WDR88: variants seen among roughly 807,000 people sequenced by gnomAD.
The protein encoded by WDR88 is WD repeat domain 88.
Under a neutral mutation model 46.8 loss-of-function variants are expected in WDR88, and 40 were observed. That is an observed-to-expected ratio of 0.86 (90% CI 0.66 to 1.11). The LOEUF (loss-of-function observed/expected upper bound fraction) is 1.11, where lower values mean the gene tolerates loss of function less well. Among genes scored for constraint, WDR88 ranks in the 50% most tolerant of loss-of-function variants. WDR88 has a pLI of 0.00. For missense variants in WDR88, 562 were observed against 602.4 expected, an observed-to-expected ratio of 0.93 and a Z score of 0.70; for synonymous variants, 235 against 240.7, an observed-to-expected ratio of 0.98 and a Z score of 0.22.
At position 33,175,554 on chromosome 19, in the gene WDR88, G is replaced by A; in HGVS notation, c.1401G>A (p.Arg467=). The change falls in exon 11 of 11, where the codon AGG becomes AGA. Residue 467 remains arginine (R), a synonymous_variant. Transcript: ENST00000355868. ...SSERENSPPP[R]GSKDD ...AAAGGGAGAACTCACCGCCGCCAAG[G>A]GGAAGCAAGGATGACTGACAGCCAC... 2 of 1,614,168 alleles carry A rather than the reference G, an allele frequency of 1.2e-6. No homozygotes were observed. The highest frequency in any genetic ancestry group is 2.7e-5 in the African/African-American group (2 of 75,062).
At chr19:33,138,193 C>T (rs1973315228) in intron 2 of WDR88, among the ~76,000 whole-genome samples, 1 of 152,068 alleles carries the variant, frequency 6.6e-6, no homozygotes, top group Admixed American at 6.6e-5. Flanking sequence ...TGTGCCACCA[C>T]ACCCAGCTAA....
rs140728940 is a variant in WDR88 at position 33,151,259 on chromosome 19, G to A, written c.758G>A (p.Cys253Tyr). ...GTGGCTTCTGTCTCATTGGACAGGT[G>A]CATCAAGATCTGGGATGTTACATCC... Reference protein sequence around the residue: ...QRVASVSLDRCIKIWDVTSQA... With the variant: ...QRVASVSLDRYIKIWDVTSQA... The change falls in exon 6 of 11, where the codon TGC becomes TAC. Residue 253 changes from cysteine (C) to tyrosine (Y), a missense_variant. Physicochemically the swap from Cys to Tyr is radical, Grantham distance 194 (BLOSUM62 -2). Coordinates refer to ENST00000355868, the MANE Select transcript of WDR88 (RefSeq NM_173479.4). 3 of 1,613,670 alleles carry A rather than the reference G, an allele frequency of 1.9e-6. No individual in the cohort carries two copies. Among genetic ancestry groups the A allele is most frequent in the African/African-American group, 1.3e-5 (1 of 75,040 alleles).
intron 6 of WDR88, among the ~76,000 whole-genome samples, chr19:33,154,186 T>C (rs1568365872): frequency 6.6e-6 from 1 of 152,268 alleles, no homozygotes; most frequent in South Asian, 2.1e-4. Context: ...TATTTATTTA[T>C]GTATTTATTT....
chr19:33,169,084 A>G (rs1319903680), intron 9 of WDR88, among the ~76,000 whole-genome samples: 1 of 152,246 alleles, frequency 6.6e-6, no homozygotes, highest in South Asian at 2.1e-4. Context: ...TACTGTATAG[A>G]AAAATTAACT....
intron 1 of WDR88, among the ~76,000 whole-genome samples, chr19:33,136,222 A>G (rs966537067): frequency 6.6e-6 from 1 of 151,444 alleles, no homozygotes; most frequent in Non-Finnish European, 1.5e-5. Context: ...TGCCTGGCTA[A>G]TTTTGTATTT....
chr19:33,163,703 C>T (rs1178513564), intron 8 of WDR88, among the ~76,000 whole-genome samples: 4 of 147,612 alleles, frequency 2.7e-5, no homozygotes, highest in Non-Finnish European at 4.5e-5. Flanking sequence ...ATGATCATGA[C>T]TCACTGCAGC....
At chr19:33,158,227 G>A (rs200887248) in intron 7 of WDR88, among the ~76,000 whole-genome samples, 212 of 152,126 alleles carry the variant, frequency 1.4e-3, no homozygotes, top group Non-Finnish European at 2.3e-3. Context: ...ATGCCACTGG[G>A]GCCTGGCTTG....
At chr19:33,149,001 G>C (rs1973577177) in intron 5 of WDR88, 91 bp downstream of exon 5, 6 of 1,568,768 alleles carry the variant, frequency 3.8e-6, no homozygotes, top group African/African-American at 1.4e-5. Context: ...GCTTTATTTG[G>C]TGAAACTGTA....
At chr19:33,156,101 T>C (rs535163427) in intron 6 of WDR88, among the ~76,000 whole-genome samples, 44 of 152,350 alleles carry the variant, frequency 2.9e-4, no homozygotes, top group African/African-American at 8.9e-4. Flanking sequence ...AGTCGAGAAA[T>C]GCTGGAACAG....
intron 5 of WDR88, 138 bp from the exon 6 acceptor site, chr19:33,151,042 AT>A (rs1973623714): frequency 5.0e-6 from 5 of 991,906 alleles, no homozygotes; most frequent in Non-Finnish European, 7.3e-6. Context: ...TCACTCAGGA[AT>A]GTTTGTGCAG....
chr19:33,172,481 T>G (rs1974054640), intron 10 of WDR88, 41 bp downstream of exon 10: 1 of 1,478,584 alleles, frequency 6.8e-7, no homozygotes, highest in Non-Finnish European at 9.4e-7. Flanking sequence ...AGGCTTTCGT[T>G]AGTTCCCTCT....
At chr19:33,174,068 T>G (rs1974084725) in intron 10 of WDR88, 1 of 1,139,260 alleles carries the variant, frequency 8.8e-7, no homozygotes, top group African/African-American at 1.6e-5. Flanking sequence ...GCCAGGTTGG[T>G]CTCGAACTCC....
rs1973144900 is a variant in WDR88, at chr19:33,132,373, A to G, written c.204A>G (p.Pro68=). 2 of 1,613,954 alleles carry G rather than the reference A, an allele frequency of 1.2e-6. No individual in the cohort carries two copies. Among genetic ancestry groups the G allele is most frequent in the Non-Finnish European group, 1.7e-6 (2 of 1,180,012 alleles). ...CCCTGGCCTTGGACAGGGAACCACC[A>G]CCGCATCTGTTGCCTGAGAAGCACC... ...LDPLALDREP[P]PHLLPEKHQV... Residue 68 remains proline, a synonymous_variant, in exon 1 of 11, where the codon CCA becomes CCG. Coordinates refer to ENST00000355868, the MANE Select transcript of WDR88 (RefSeq NM_173479.4).
intron 2 of WDR88, 48 bp downstream of exon 2, chr19:33,137,835 G>A (rs377219919): frequency 2.6e-6 from 4 of 1,528,796 alleles, no homozygotes; most frequent in Middle Eastern, 2.3e-4. Flanking sequence ...CCTTTCCTAA[G>A]CTTAGGCACC....
intron 8 of WDR88, among the ~76,000 whole-genome samples, chr19:33,162,322 T>C (rs1191487770): frequency 6.6e-6 from 1 of 152,038 alleles, no homozygotes; most frequent in Non-Finnish European, 1.5e-5. Flanking sequence ...TACCTCAGCC[T>C]CCTGAGTAGC....
intron 6 of WDR88, among the ~76,000 whole-genome samples, chr19:33,152,736 G>A (rs1973659859): frequency 6.6e-6 from 1 of 151,484 alleles, no homozygotes; most frequent in Admixed American, 6.6e-5. Flanking sequence ...TGAGTAGCTG[G>A]GATTACAGGC....
intron 1 of WDR88, 23 bp from the exon 2 acceptor site, chr19:33,137,654 C>T (rs754990296): frequency 1.3e-6 from 2 of 1,590,720 alleles, no homozygotes; most frequent in African/African-American, 1.3e-5. Context: ...ATGTTTAGCT[C>T]ATCTGGTCTC....
chr19:33,134,123 AAT>A (rs1973196889), intron 1 of WDR88, among the ~76,000 whole-genome samples: 3 of 152,114 alleles, frequency 2.0e-5, no homozygotes, highest in Admixed American at 2.0e-4. Flanking sequence ...GCACCTCTGA[AAT>A]GTACTCATGT....
chr19:33,133,483 G>A (rs1973182591), intron 1 of WDR88, among the ~76,000 whole-genome samples: 1 of 152,258 alleles, frequency 6.6e-6, no homozygotes, highest in African/African-American at 2.4e-5. Context: ...GGGAGGCAGA[G>A]GTTGCAGTGA....
Sources: gnomAD v4.1 joint callset for allele counts (sites outside exome capture counted in the v4.1 genomes callset) on GRCh38, gnomAD v4.1.1 for gene constraint, MANE v1.5 for transcripts, NCBI Gene and HGNC (gene_info 2026-07-23, HGNC 2026-07-21) for gene names.